The following SORCS2 variants were observed in gnomAD, a reference collection of about 807,000 sequenced individuals.
SORCS2 encodes sortilin related VPS10 domain containing receptor 2.
A neutral mutation model predicts 141.6 loss-of-function variants in SORCS2; 100 were observed. The observed-to-expected ratio is 0.71, with a 90% CI of 0.60 to 0.83. The LOEUF (loss-of-function observed/expected upper bound fraction) is 0.83. SORCS2 is among the 40% of genes least tolerant of loss of function. The pLI is 0.00. For missense variants in SORCS2, 1,646 were observed against 1,560.2 expected, an observed-to-expected ratio of 1.05 and a Z score of -0.93; for synonymous variants, 789 against 676.9, an observed-to-expected ratio of 1.17 and a Z score of -2.57.
chr4:7,665,150 T>G (rs1722427698), intron 7 of SORCS2, among the ~76,000 whole-genome samples: 1 of 152,190 alleles, frequency 6.6e-6, no homozygotes, highest in Admixed American at 6.5e-5. Context: ...GGAAGCCCCT[T>G]GAGAGCAGCT....
chr4:7,475,086 C>T (rs919343156), intron 2 of SORCS2, among the ~76,000 whole-genome samples: 2 of 152,222 alleles, frequency 1.3e-5, no homozygotes, highest in Non-Finnish European at 2.9e-5. Flanking sequence ...ACCCTGTTTC[C>T]ATTTGCCAAT....
chr4:7,280,461 G>T (rs1047791264), intron 1 of SORCS2, among the ~76,000 whole-genome samples: 2 of 152,208 alleles, frequency 1.3e-5, no homozygotes, highest in Admixed American at 6.5e-5. Context: ...ACCATGGCAG[G>T]GTGGGCATTT....
In SORCS2 at chr4:7,723,894, T is replaced by C; in HGVS notation, c.2611+11T>C. 1 of 1,592,790 alleles carries C rather than the reference T, an allele frequency of 6.3e-7. No homozygotes were observed. Among genetic ancestry groups the C allele is most frequent in the South Asian group, 1.1e-5 (1 of 90,352 alleles). On this transcript the variant is annotated intron_variant, in intron 19 of 26. Coordinates refer to ENST00000507866, the MANE Select transcript of SORCS2 (RefSeq NM_020777.3). ...TTGTCCAGGTCAACTGTAAGTTTATTGCCCCTTTGAGGCCAAAGGTCACTC... is the reference window on the plus strand; with the variant it reads ...TTGTCCAGGTCAACTGTAAGTTTATCGCCCCTTTGAGGCCAAAGGTCACTC...
At chr4:7,219,307 A>G (rs961248257) in intron 1 of SORCS2, among the ~76,000 whole-genome samples, 9 of 151,866 alleles carry the variant, frequency 5.9e-5, no homozygotes, top group African/African-American at 2.2e-4. Context: ...CCAAACCCAG[A>G]CTCTGGTTTC....
At chr4:7,234,050 C>T (rs1712091483) in intron 1 of SORCS2, among the ~76,000 whole-genome samples, 1 of 152,188 alleles carries the variant, frequency 6.6e-6, no homozygotes, top group Non-Finnish European at 1.5e-5. Flanking sequence ...CCACTCCCAC[C>T]GAGCCCTTGA....
chr4:7,400,504 G>C (rs890459344), intron 2 of SORCS2, among the ~76,000 whole-genome samples: 28 of 152,066 alleles, frequency 1.8e-4, no homozygotes, highest in Middle Eastern at 3.4e-3. Flanking sequence ...ACATAGGCTG[G>C]TTGAGGATGC....
chr4:7,726,401 C>A (rs1479954143), intron 20 of SORCS2, among the ~76,000 whole-genome samples: 1 of 152,100 alleles, frequency 6.6e-6, no homozygotes, highest in East Asian at 1.9e-4. Flanking sequence ...GGTGAAACCC[C>A]GTCTCTACTA....
At chr4:7,416,883 C>A (rs907153018) in intron 2 of SORCS2, among the ~76,000 whole-genome samples, 1 of 152,064 alleles carries the variant, frequency 6.6e-6, no homozygotes, top group Non-Finnish European at 1.5e-5. Flanking sequence ...CAGACACACA[C>A]ATATGCATGC....
chr4:7,409,439 G>A (rs966560937), intron 2 of SORCS2, among the ~76,000 whole-genome samples: 1 of 152,202 alleles, frequency 6.6e-6, no homozygotes, highest in Non-Finnish European at 1.5e-5. Flanking sequence ...CTGATTTGGA[G>A]TCCCCTTTGG....
chr4:7,651,285 T>C (rs868724453), intron 4 of SORCS2, among the ~76,000 whole-genome samples: 1 of 152,178 alleles, frequency 6.6e-6, no homozygotes, highest in African/African-American at 2.4e-5. Flanking sequence ...GGTTGAATCA[T>C]CCCGACCTTC....
At chr4:7,264,732 C>T (rs1264352455) in intron 1 of SORCS2, among the ~76,000 whole-genome samples, 2 of 152,238 alleles carry the variant, frequency 1.3e-5, no homozygotes, top group East Asian at 3.9e-4. Flanking sequence ...AAGCCCCTCA[C>T]CATGCCTGGG....
chr4:7,267,950 C>G (rs556823467), intron 1 of SORCS2, among the ~76,000 whole-genome samples: 27 of 152,334 alleles, frequency 1.8e-4, no homozygotes, highest in African/African-American at 6.3e-4. Context: ...GGTAGGTGAC[C>G]TTTATGCTCA....
intron 26 of SORCS2, among the ~76,000 whole-genome samples, chr4:7,739,338 T>C (rs1271013504): frequency 2.6e-5 from 4 of 152,032 alleles, no homozygotes; most frequent in Admixed American, 2.6e-4. Flanking sequence ...ATCACCCCCA[T>C]GCTCACCCCC....
At chr4:7,466,338 G>T (rs1418106180) in intron 2 of SORCS2, among the ~76,000 whole-genome samples, 2 of 152,106 alleles carry the variant, frequency 1.3e-5, no homozygotes, top group Non-Finnish European at 2.9e-5. Context: ...ACGGGGGAGG[G>T]TGTTATGGGC....
At chr4:7,422,789 A>C (rs1004548404) in intron 2 of SORCS2, among the ~76,000 whole-genome samples, 5 of 152,074 alleles carry the variant, frequency 3.3e-5, no homozygotes, top group Non-Finnish European at 5.9e-5. Flanking sequence ...TGTCCCCGAG[A>C]GTCCGTTCCA....
chr4:7,742,012 G>A lies in SORCS2; in HGVS notation c.*1748G>A, dbSNP rs1241139491. On this transcript the variant is annotated 3_prime_UTR_variant, in exon 27 of 27. Transcript: ENST00000507866. Reference sequence around the variant, plus strand: ...CAAGGGGAGCACCCTGGGCCACACAGGCGTGGAGGTGTCCCCACCCCTTCC... The same window carrying A: ...CAAGGGGAGCACCCTGGGCCACACAAGCGTGGAGGTGTCCCCACCCCTTCC... The A allele has an allele frequency of 6.6e-6, 1 of 152,254 alleles. No individual in the cohort carries two copies. The highest frequency in any genetic ancestry group is 2.4e-5 in the African/African-American group (1 of 41,432). 9.4% of individuals were successfully genotyped at this position (152,254 alleles called of 1,614,324 possible). A position where few individuals can be genotyped will look rare whatever the true frequency, so the allele number is the denominator to read the frequency against.
chr4:7,224,709 G>A (rs1353944725), intron 1 of SORCS2, among the ~76,000 whole-genome samples: 1 of 152,214 alleles, frequency 6.6e-6, no homozygotes, highest in Non-Finnish European at 1.5e-5. Flanking sequence ...CTTGGGTGGG[G>A]ACAGAGTCAA....
intron 4 of SORCS2, among the ~76,000 whole-genome samples, chr4:7,641,404 C>T (rs757821683): frequency 2.6e-5 from 4 of 152,156 alleles, no homozygotes; most frequent in Non-Finnish European, 5.9e-5. Context: ...AGAACTCACT[C>T]ATTATCACAC....
At chr4:7,540,783 C>G (rs1041505233) in intron 3 of SORCS2, among the ~76,000 whole-genome samples, 1 of 152,212 alleles carries the variant, frequency 6.6e-6, no homozygotes, top group African/African-American at 2.4e-5. Context: ...ACCCCCCTGC[C>G]CCCCGCACCC....
Sources: gnomAD v4.1 joint callset for allele counts (sites outside exome capture counted in the v4.1 genomes callset) on GRCh38, gnomAD v4.1.1 for gene constraint, MANE v1.5 for transcripts, NCBI Gene and HGNC (gene_info 2026-07-23, HGNC 2026-07-21) for gene names.